HK1: variants seen among roughly 807,000 people sequenced by gnomAD.
The protein encoded by HK1 is hexokinase 1, also known as hexokinase-1.
HK1 carries 28 observed loss-of-function variants against 91.6 expected under a neutral mutation model. That is an observed-to-expected ratio of 0.31 (90% CI 0.23 to 0.42). The LOEUF is 0.42. Ranked by LOEUF, HK1 falls within the 10% of genes least tolerant of loss-of-function variation. The pLI, the probability that HK1 is intolerant of heterozygous loss-of-function variation, is 1.00. For synonymous variants in HK1, 430 were observed against 468.1 expected, an observed-to-expected ratio of 0.92 and a Z score of 1.05; for missense variants, 770 against 1,219.8, an observed-to-expected ratio of 0.63 and a Z score of 5.49.
chr10:69,379,721 T>G, intron 8 of HK1, 141 bp from the exon 9 acceptor site: 2 of 746,888 alleles, frequency 2.7e-6, no homozygotes, highest in Non-Finnish European at 4.9e-6. Context: ...CTCAGGCATT[T>G]GACAGTCTTC....
intron 7 of HK1, among the ~76,000 whole-genome samples, chr10:69,374,266 C>T (rs183435266): frequency 6.6e-6 from 1 of 152,280 alleles, no homozygotes; most frequent in Admixed American, 6.5e-5. Context: ...GAGGGCTCCT[C>T]TTTGGTGTGC....
intron 1 of HK1, among the ~76,000 whole-genome samples, chr10:69,324,264 A>C (rs1847202020): frequency 6.6e-6 from 1 of 152,194 alleles, no homozygotes; most frequent in South Asian, 2.1e-4. Context: ...AACTATAAAC[A>C]AGGCAGAAAC....
chr10:69,278,553 G>C (rs545753809), intron 1 of HK1: 15 of 152,354 alleles, frequency 9.8e-5, no homozygotes, highest in African/African-American at 3.1e-4. Flanking sequence ...CTGACGACAA[G>C]GCTGGAACGT....
In HK1 at chr10:69,278,976, G is replaced by A. The variant is rs183150869; in HGVS notation, c.-390-3553G>A. Among the ~76,000 whole-genome samples, 14 of 152,324 alleles carry A rather than the reference G, an allele frequency of 9.2e-5. No homozygotes were observed. The East Asian group carries it at 2.7e-3, about 29-fold the overall frequency. ...GAGAAGCTGTGATTCTAGCCTCAGA[G>A]GAGCGAGTTTTTATTGTGGGGTGAC... is the stretch of plus-strand genomic sequence containing the variant. On this transcript the variant is annotated intron_variant, in intron 1 of 21. Coordinates refer to the HK1 transcript ENST00000360289.
intron 16 of HK1, among the ~76,000 whole-genome samples, chr10:69,396,743 G>A (rs1466220056): frequency 6.6e-6 from 1 of 152,152 alleles, no homozygotes; most frequent in Non-Finnish European, 1.5e-5. Context: ...GTGCAATGGT[G>A]CAAACTTGGC....
In HK1 at chr10:69,398,810, T is replaced by A. The variant is rs1840257662; in HGVS notation, c.2591T>A (p.Leu864His). Residue 864 changes from leucine (L) to histidine (H), a missense_variant, in exon 17 of 18, where the codon CTC becomes CAC. By Grantham distance (99) the Leu-to-His change is moderately conservative (BLOSUM62 -3). Around this residue, in one of 7 missense-constraint regions of HK1, gnomAD observed 78 missense variants for 99.0 expected, o/e 0.79. Transcript: ENST00000359426. ...LNVTVGVDGT[L>H]YKLHPHFSRI... ...GTGACTGTGGGAGTGGACGGGACAC[T>A]CTACAAGCTTCATCCACAGTGAGTG... 1 of 1,611,204 alleles carries A rather than the reference T, an allele frequency of 6.2e-7. No homozygotes were observed.
chr10:69,319,119 A>G (rs914503389), intron 1 of HK1, 109 bp downstream of exon 1: 3 of 1,310,594 alleles, frequency 2.3e-6, no homozygotes, highest in African/African-American at 1.5e-5. Flanking sequence ...TCTCCGGGCC[A>G]GCATCGAGTT....
At chr10:69,311,681 G>A (rs570961235), upstream of HK1, among the ~76,000 whole-genome samples, 13 of 152,204 alleles carry the variant, frequency 8.5e-5, no homozygotes, top group African/African-American at 2.9e-4. Flanking sequence ...CTGTTGCCCA[G>A]GCTGGAGTGT....
At chr10:69,293,922 C>T (rs7916281) in intron 3 of HK1, among the ~76,000 whole-genome samples, 9,306 of 135,570 alleles carry the variant, frequency 0.069, 398 homozygotes, top group Middle Eastern at 0.12. Flanking sequence ...AGTGCAGTGG[C>T]GTGATCTCGG....
chr10:69,367,698 C>A (rs1849778694), intron 4 of HK1, among the ~76,000 whole-genome samples: 1 of 151,958 alleles, frequency 6.6e-6, no homozygotes, highest in Admixed American at 6.6e-5. Flanking sequence ...CCCTGAGCTA[C>A]CTCTGCAGGC....
intron 1 of HK1, among the ~76,000 whole-genome samples, chr10:69,279,757 T>C (rs762565112): frequency 2.0e-5 from 3 of 152,186 alleles, no homozygotes; most frequent in Non-Finnish European, 2.9e-5. Flanking sequence ...CCTAGGATAT[T>C]GGAGGCCTGG....
intron 2 of HK1, among the ~76,000 whole-genome samples, chr10:69,348,109 G>A (rs976017280): frequency 2.6e-5 from 4 of 152,076 alleles, no homozygotes; most frequent in African/African-American, 9.7e-5. Context: ...GTAAGCTTTT[G>A]GAGGCTAAAT....
At chr10:69,352,684 G>A (rs1001572912) in intron 2 of HK1, among the ~76,000 whole-genome samples, 20 of 152,200 alleles carry the variant, frequency 1.3e-4, no homozygotes, top group Non-Finnish European at 1.8e-4. Context: ...CTGTAGAGCA[G>A]AAAGTACATT....
chr10:69,292,344 AT>A, intron 3 of HK1: 1 of 445,890 alleles, frequency 2.2e-6, no homozygotes, highest in Non-Finnish European at 4.5e-6. Context: ...AAGTGCTGGG[AT>A]TACAGGTATG....
intron 1 of HK1, among the ~76,000 whole-genome samples, chr10:69,341,747 T>C (rs1309862491): frequency 6.6e-6 from 1 of 152,094 alleles, no homozygotes; most frequent in Non-Finnish European, 1.5e-5. Context: ...TCAGCCACCA[T>C]GCCTGGCCTC....
chr10:69,389,959 C>T (rs1839821156), intron 14 of HK1, among the ~76,000 whole-genome samples: 2 of 152,170 alleles, frequency 1.3e-5, no homozygotes, highest in Admixed American at 6.5e-5. Flanking sequence ...GCTGGCCCTG[C>T]TCCTCGCGTC....
At chr10:69,283,953 T>C (rs1844897326) in intron 2 of HK1, among the ~76,000 whole-genome samples, 1 of 152,158 alleles carries the variant, frequency 6.6e-6, no homozygotes, top group Non-Finnish European at 1.5e-5. Context: ...GGATACACAG[T>C]AATTTGTAAC....
At chr10:69,315,773 C>T, upstream of HK1, 2 of 678,838 alleles carry the variant, frequency 2.9e-6, no homozygotes, top group Admixed American at 2.0e-5. Flanking sequence ...CTCAGTGTTA[C>T]TTATCTGAGG....
intron 1 of HK1, among the ~76,000 whole-genome samples, chr10:69,277,270 T>C (rs528107955): frequency 6.6e-6 from 1 of 152,326 alleles, no homozygotes; most frequent in South Asian, 2.1e-4. Context: ...CTGAAAGCAT[T>C]TAAAATTTTC....
Sources: gnomAD v4.1 joint callset for allele counts (sites outside exome capture counted in the v4.1 genomes callset) on GRCh38, gnomAD v4.1.1 for gene constraint, gnomAD v4.1.1 regional missense constraint, MANE v1.5 for transcripts, NCBI Gene and HGNC (gene_info 2026-07-23, HGNC 2026-07-21) for gene names.